The following MYZAP variants were observed in gnomAD, a reference collection of about 807,000 sequenced individuals.
MYZAP encodes myocardial zonula adherens protein, also known as GRINL1A complex locus upstream.
In MYZAP, 66 loss-of-function variants were observed where a neutral mutation model predicts 69.4. That is an observed-to-expected ratio of 0.95 (90% CI 0.78 to 1.17). The LOEUF (loss-of-function observed/expected upper bound fraction) is 1.17. MYZAP is among the 50% of genes most tolerant of loss of function. The pLI is 0.00. For missense variants in MYZAP, 611 were observed against 556.2 expected, an observed-to-expected ratio of 1.10 and a Z score of -0.99; for synonymous variants, 256 against 205.9, an observed-to-expected ratio of 1.24 and a Z score of -2.09.
intron 2 of MYZAP, among the ~76,000 whole-genome samples, chr15:57,617,140 C>T (rs536767682): frequency 6.6e-6 from 1 of 152,022 alleles, no homozygotes. Context: ...CAGAGCCAGG[C>T]TTGAATGTAG....
At chr15:57,652,793 A>G (rs1367952380) in intron 10 of MYZAP, among the ~76,000 whole-genome samples, 10 of 152,178 alleles carry the variant, frequency 6.6e-5, no homozygotes, top group Admixed American at 5.9e-4. Flanking sequence ...CTGGATTTCT[A>G]GGGGTTTTGA....
rs115562639 is a variant in MYZAP, at chr15:57,657,358, G to C, written c.1120-4092G>C. 2.6e-3 allele frequency among the ~76,000 whole-genome samples: 394 copies of C among 152,228 alleles called. 2 individuals are homozygous for C. Among genetic ancestry groups the C allele is most frequent in the African/African-American group, 9.1e-3 (378 of 41,546 alleles). ...AAGGAATGAAAAAGACATACCGTGA[G>C]AGTAATTTTTGGGAACTATTTCTAC... On this transcript the variant is annotated intron_variant, in intron 10 of 12. Transcript: ENST00000267853.
intron 12 of MYZAP, among the ~76,000 whole-genome samples, chr15:57,680,012 A>G (rs2140663497): frequency 1.3e-5 from 2 of 152,334 alleles, no homozygotes; most frequent in South Asian, 4.2e-4. Flanking sequence ...CAGCTTTGGC[A>G]AATTCCTACC....
chr15:57,615,337 G>T (rs1215755722), intron 2 of MYZAP, among the ~76,000 whole-genome samples: 3 of 152,194 alleles, frequency 2.0e-5, no homozygotes, highest in Non-Finnish European at 4.4e-5. Context: ...TTTTCACTCA[G>T]TGTATCTTGA....
rs529023835 is a variant in MYZAP at position 57,651,676 on chromosome 15, A to T, written c.1120-9774A>T. 5.3e-5 allele frequency among the ~76,000 whole-genome samples: 8 copies of T among 152,346 alleles called. No homozygotes were observed. The East Asian group carries it at 1.4e-3, about 26-fold the overall frequency. ...TTGTGAAGGGAGTGAATGAATGATG[A>T]AAGTCTTGGCACCTCAGTTTCATGG... On this transcript the variant is annotated intron_variant, in intron 10 of 12. Coordinates refer to ENST00000267853, the MANE Select transcript of MYZAP (RefSeq NM_001018100.5).
intron 12 of MYZAP, among the ~76,000 whole-genome samples, chr15:57,681,667 C>G (rs2039452989): frequency 6.6e-6 from 1 of 152,150 alleles, no homozygotes; most frequent in South Asian, 2.1e-4. Context: ...CGCCTGTAAT[C>G]CCAGCTACTT....
At chr15:57,600,399 C>T (rs948811083) in intron 1 of MYZAP, among the ~76,000 whole-genome samples, 2 of 152,212 alleles carry the variant, frequency 1.3e-5, no homozygotes, top group Non-Finnish European at 2.9e-5. Context: ...TTTTATTTTA[C>T]AAGTTCATTT....
At chr15:57,675,109 C>G in intron 12 of MYZAP, 41 bp downstream of exon 12, 4 of 1,530,316 alleles carry the variant, frequency 2.6e-6, no homozygotes, top group Non-Finnish European at 3.6e-6. Context: ...ATTCAAATTC[C>G]TCTTTGGCTG....
chr15:57,634,009 C>T (rs571275229), intron 8 of MYZAP, among the ~76,000 whole-genome samples: 48 of 152,174 alleles, frequency 3.2e-4, no homozygotes, highest in Non-Finnish European at 4.6e-4. Flanking sequence ...TGCTGGTGCC[C>T]CAGGTGTGAA....
intron 10 of MYZAP, among the ~76,000 whole-genome samples, chr15:57,657,801 G>A (rs539952019): frequency 6.6e-6 from 1 of 152,230 alleles, no homozygotes; most frequent in African/African-American, 2.4e-5. Flanking sequence ...GGTATGAACA[G>A]CTTTATGGCT....
In MYZAP at chr15:57,618,059, T is replaced by C. The variant is rs768583581; in HGVS notation, c.189T>C (p.Pro63=). 1.8e-5 allele frequency: 29 copies of C among 1,613,932 alleles called. No individual in the cohort carries two copies. The South Asian group carries it at 3.2e-4, about 18-fold the overall frequency. The change falls in exon 3 of 13, where the codon CCT becomes CCC. Residue 63 remains proline (P), a synonymous_variant. Transcript: ENST00000267853. ...TTCTTGACCTGAGCAATGGAGAACC[T>C]ACCAGGAAACTTCCTCAGGGTGTTG... ...EQLLDLSNGE[P]TRKLPQGVVY...
intron 11 of MYZAP, among the ~76,000 whole-genome samples, chr15:57,661,765 T>C (rs2038321228): frequency 6.6e-6 from 1 of 152,202 alleles, no homozygotes; most frequent in Non-Finnish European, 1.5e-5. Flanking sequence ...TAGTTTTTCT[T>C]ATTAAAGAAT....
intron 7 of MYZAP, 58 bp downstream of exon 7, chr15:57,632,617 T>C: frequency 6.2e-7 from 1 of 1,606,434 alleles, no homozygotes; most frequent in Non-Finnish European, 8.5e-7. Flanking sequence ...TCATTATTGT[T>C]GGTGATGTAT....
intron 12 of MYZAP, among the ~76,000 whole-genome samples, chr15:57,677,107 C>T (rs1289157169): frequency 6.6e-6 from 1 of 152,182 alleles, no homozygotes; most frequent in Non-Finnish European, 1.5e-5. Flanking sequence ...CTTTCGGTAA[C>T]TCAGGGCAGT....
rs183154745 is a variant in MYZAP, at chr15:57,598,477, T to A, written c.76-5792T>A. On this transcript the variant is annotated intron_variant, in intron 1 of 12. Transcript: ENST00000267853. ...CGCCCATCATGTGTTGATACTATGC[T>A]AAGCACCGTAGGGGCTATATTAAGT... Among the ~76,000 whole-genome samples, 605 of 152,302 alleles carry A rather than the reference T, an allele frequency of 4.0e-3. 6 individuals carry two copies. Among genetic ancestry groups the A allele is most frequent in the African/African-American group, 0.014 (575 of 41,572 alleles).
chr15:57,649,728 TG>T (rs1186527218), intron 10 of MYZAP, among the ~76,000 whole-genome samples: 1 of 152,190 alleles, frequency 6.6e-6, no homozygotes, highest in African/African-American at 2.4e-5. Flanking sequence ...TTGGCTGTGT[TG>T]TGTGTCTTGT....
intron 2 of MYZAP, among the ~76,000 whole-genome samples, chr15:57,604,856 A>T (rs750648): frequency 6.6e-6 from 1 of 152,066 alleles, no homozygotes; most frequent in South Asian, 2.1e-4. Flanking sequence ...CATTTTTGTG[A>T]CAGCTCCTGT....
rs542336075 is a variant in MYZAP at position 57,676,117 on chromosome 15, C to T, written c.1304+1049C>T. On this transcript the variant is annotated intron_variant, in intron 12 of 12. Coordinates refer to ENST00000267853, the MANE Select transcript of MYZAP (RefSeq NM_001018100.5). ...TCAGACAGGTTCTTCACTGGGGCCT[C>T]GGTTTCTCAACTTCTAAAGTCAGTG... Among the ~76,000 whole-genome samples the T allele has an allele frequency of 1.9e-4, 29 of 152,154 alleles. 1 individual carries two copies. The highest frequency in any genetic ancestry group is 6.5e-4 in the African/African-American group (27 of 41,510).
chr15:57,606,566 G>T (rs187147900), intron 2 of MYZAP, among the ~76,000 whole-genome samples: 92 of 148,656 alleles, frequency 6.2e-4, no homozygotes, highest in African/African-American at 2.2e-3. Flanking sequence ...GTCACACTCT[G>T]GGGGACTATT....
Sources: gnomAD v4.1 joint callset for allele counts (sites outside exome capture counted in the v4.1 genomes callset) on GRCh38, gnomAD v4.1.1 for gene constraint, MANE v1.5 for transcripts, NCBI Gene and HGNC (gene_info 2026-07-23, HGNC 2026-07-21) for gene names.